TNFSF15: variants seen among roughly 807,000 people sequenced by gnomAD.
The protein encoded by TNFSF15 is tumor necrosis factor ligand superfamily member 15.
TNFSF15 carries 15 observed loss-of-function variants against 26.4 expected under a neutral mutation model. That is an observed-to-expected ratio of 0.57 (90% confidence interval 0.38 to 0.87). TNFSF15 has a LOEUF of 0.87. Among genes scored for constraint, TNFSF15 ranks in the 40% least tolerant of loss-of-function variants. TNFSF15 has a pLI of 0.00. For synonymous variants in TNFSF15, 116 were observed against 115.0 expected (o/e 1.01, Z -0.06); for missense variants, 290 against 306.1 (o/e 0.95, Z 0.39).
rs370931148 is a variant in TNFSF15 at position 114,790,816 on chromosome 9, C to T, written c.392G>A (p.Arg131Gln). The change falls in exon 4 of 4, where the codon CGA (arginine) becomes CAA (glutamine). Residue 131 changes from arginine to glutamine, a missense_variant. Physicochemically the swap from Arg to Gln is conservative, Grantham distance 43 (BLOSUM62 1). Around this residue, in one of 3 missense-constraint regions of TNFSF15, gnomAD observed 179 missense variants for 165.9 expected, o/e 1.08. Transcript: ENST00000374045. ...HELGLAFTKN[R>Q]MNYTNKFLLI... ...CAGGAATTTGTTGGTATAGTTCATT[C>T]GGTTCTTGGTGAAGGCCAGGCCTAG... 1.2e-5 allele frequency: 20 copies of T among 1,613,928 alleles called. No homozygotes were observed. Among genetic ancestry groups the T allele is most frequent in the African/African-American group, 9.3e-5 (7 of 74,882 alleles).
In TNFSF15 at chr9:114,788,717, G is replaced by A. The variant is rs1372740425; in HGVS notation, c.*1735C>T. 2.0e-5 allele frequency: 3 copies of A among 152,172 alleles called. No homozygotes were observed. The highest frequency in any genetic ancestry group is 4.4e-5 in the Non-Finnish European group (3 of 68,036). The allele number at this position is 152,172 out of a possible 1,614,324, so 9.4% of individuals were successfully genotyped here. ...CAGTCATATAATACCGAAATGCTCA[G>A]ATGGCACAGAATGCATGAAGTTAAC... On this transcript the variant is annotated 3_prime_UTR_variant, in exon 4 of 4. Transcript: ENST00000374045.
Position 114,805,801 on chromosome 9 carries a change from A to C in TNFSF15, c.210+2T>G. The stretch of plus-strand genomic sequence containing the variant: ...CCAAGGTCAGAGTGCCATGTGGCTT[A>C]CCTGGAACTGCACACAGGCCTCTCC... On this transcript the variant is annotated splice_donor_variant, in intron 1 of 3. Transcript: ENST00000374045. LOFTEE classifies it high-confidence loss of function. The C allele has an allele frequency of 6.2e-7, 1 of 1,612,766 alleles. No homozygotes were observed. Among genetic ancestry groups the C allele is most frequent in the Non-Finnish European group, 8.5e-7 (1 of 1,179,928 alleles).
chr9:114,804,360 T>C (rs553656340), intron 1 of TNFSF15, among the ~76,000 whole-genome samples: 6 of 152,274 alleles, frequency 3.9e-5, no homozygotes, highest in African/African-American at 9.6e-5. Flanking sequence ...GGATCCTCCC[T>C]GGTCTGTAAC....
intron 1 of TNFSF15, among the ~76,000 whole-genome samples, chr9:114,801,633 T>G (rs977300985): frequency 6.6e-6 from 1 of 152,164 alleles, no homozygotes; most frequent in Admixed American, 6.5e-5. Context: ...ACTTTATTTC[T>G]AATTATTCCC....
intron 1 of TNFSF15, among the ~76,000 whole-genome samples, chr9:114,805,476 C>T (rs565303649): frequency 2.0e-5 from 3 of 151,934 alleles, no homozygotes; most frequent in East Asian, 3.9e-4. Flanking sequence ...TTTCAATGAC[C>T]GTGTTAGTTA....
In TNFSF15 at chr9:114,786,694, C is replaced by G. The variant is rs896666044; in HGVS notation, c.*3758G>C. ...TTGGAAGGCTGAGGCGGGCGGATCACGAGGTCAGGAGATCGAGACCATCCT... is the reference window on the plus strand; with the variant it reads ...TTGGAAGGCTGAGGCGGGCGGATCAGGAGGTCAGGAGATCGAGACCATCCT... On this transcript the variant is annotated 3_prime_UTR_variant, in exon 4 of 4. Coordinates refer to ENST00000374045, the MANE Select transcript of TNFSF15 (RefSeq NM_005118.4). 1 of 151,974 alleles carries G rather than the reference C, an allele frequency of 6.6e-6. No homozygotes were observed. The highest frequency in any genetic ancestry group is 1.5e-5 in the Non-Finnish European group (1 of 67,984). 9.4% of individuals were successfully genotyped at this position (151,974 alleles called of 1,614,324 possible).
intron 1 of TNFSF15, among the ~76,000 whole-genome samples, chr9:114,798,134 G>A (rs952869762): frequency 6.6e-6 from 1 of 152,226 alleles, no homozygotes; most frequent in Admixed American, 6.5e-5. Flanking sequence ...GTCTTCATCA[G>A]GCTCTGTGTG....
intron 1 of TNFSF15, among the ~76,000 whole-genome samples, chr9:114,804,460 C>G (rs1829790330): frequency 6.6e-6 from 1 of 152,192 alleles, no homozygotes; most frequent in South Asian, 2.1e-4. Flanking sequence ...TCGTGGGAAC[C>G]TGTCATGCCT....
At chr9:114,794,710 C>A (rs999138443) in intron 1 of TNFSF15, among the ~76,000 whole-genome samples, 2 of 152,140 alleles carry the variant, frequency 1.3e-5, no homozygotes, top group African/African-American at 4.8e-5. Context: ...AAAATGAAAT[C>A]ACGTTATTTG....
chr9:114,805,477 G>A (rs146848333), intron 1 of TNFSF15, among the ~76,000 whole-genome samples: 2 of 152,140 alleles, frequency 1.3e-5, no homozygotes, highest in East Asian at 1.9e-4. Flanking sequence ...TTCAATGACC[G>A]TGTTAGTTAT....
rs964014362 is a variant in TNFSF15, at chr9:114,785,269, T to C, written c.*5183A>G. 1.3e-5 allele frequency: 2 copies of C among 152,248 alleles called. No individual in the cohort carries two copies. The highest frequency in any genetic ancestry group is 1.5e-5 in the Non-Finnish European group (1 of 68,042). The allele number at this position is 152,248 out of a possible 1,614,324, so 9.4% of individuals were successfully genotyped here. ...TGGCTCCCTCTGAGCCTGGGTTTCTTCATCTTTGAAATGATATAACTTGGA... is the reference window on the plus strand; with the variant it reads ...TGGCTCCCTCTGAGCCTGGGTTTCTCCATCTTTGAAATGATATAACTTGGA... On this transcript the variant is annotated 3_prime_UTR_variant, in exon 4 of 4. Transcript: ENST00000374045.
Position 114,787,554 on chromosome 9 carries a change from A to G in TNFSF15, c.*2898T>C, listed in dbSNP as rs1436970280. On this transcript the variant is annotated 3_prime_UTR_variant, in exon 4 of 4. Coordinates refer to ENST00000374045, the MANE Select transcript of TNFSF15 (RefSeq NM_005118.4). ...AACAAAGCATTTTCTCCCTAAATTT[A>G]CTGTTTTCTAAAGCATGCTTCTTCC... 6.6e-6 allele frequency: 1 copy of G among 152,328 alleles called. No homozygotes were observed. Among genetic ancestry groups the G allele is most frequent in the African/African-American group, 2.4e-5 (1 of 41,452 alleles). The allele number at this position is 152,328 out of a possible 1,614,324, so 9.4% of individuals were successfully genotyped here.
rs1027839489 is a variant in TNFSF15 at position 114,793,840 on chromosome 9, G to T, written c.211-272C>A. Among the ~76,000 whole-genome samples the T allele has an allele frequency of 4.6e-5, 7 of 152,154 alleles. 1 individual carries two copies. Among genetic ancestry groups the T allele is most frequent in the Admixed American group, 3.3e-4 (5 of 15,274 alleles). Reference sequence around the variant, plus strand: ...GGTTCTTTTCTTGAGAGATTTTCTCGTTCTATTCTAGGGGAACTCAGCATC... The same window carrying T: ...GGTTCTTTTCTTGAGAGATTTTCTCTTTCTATTCTAGGGGAACTCAGCATC... On this transcript the variant is annotated intron_variant, in intron 1 of 3. Transcript: ENST00000374045.
intron 3 of TNFSF15, chr9:114,791,542 C>T (rs1829598141): frequency 5.9e-6 from 1 of 169,596 alleles, no homozygotes; most frequent in African/African-American, 2.4e-5. Context: ...CAAGGATATC[C>T]CCCTGCAGAC....
At position 114,791,272 on chromosome 9, in the gene TNFSF15, G is replaced by A. The variant is rs1587897923; in HGVS notation, c.302-366C>T. The stretch of plus-strand genomic sequence containing the variant: ...CTGCAAGAATTATCCTTTCCCAAAT[G>A]ACTCAGATAAAACTCATCGATGCCT... On this transcript the variant is annotated intron_variant, in intron 3 of 3. Transcript: ENST00000374045. 1.0e-5 allele frequency: 4 copies of A among 382,862 alleles called. No homozygotes were observed. The East Asian group carries it at 1.9e-4, about 18-fold the overall frequency. 23.7% of individuals were successfully genotyped at this position (382,862 alleles called of 1,614,324 possible).
In TNFSF15 at chr9:114,790,401, A is replaced by C; in HGVS notation, c.*51T>G. The C allele has an allele frequency of 6.7e-7, 1 of 1,501,872 alleles. No homozygotes were observed. Among genetic ancestry groups the C allele is most frequent in the South Asian group, 1.4e-5 (1 of 74,016 alleles). 93.0% of individuals were successfully genotyped at this position (1,501,872 alleles called of 1,614,324 possible). ...TTATAATTACATTTGAACAAAGAAAATTAGGAACTCGGTGGCAGAGGACTT... is the reference window on the plus strand; with the variant it reads ...TTATAATTACATTTGAACAAAGAAACTTAGGAACTCGGTGGCAGAGGACTT... On this transcript the variant is annotated 3_prime_UTR_variant, in exon 4 of 4. Transcript: ENST00000374045.
intron 1 of TNFSF15, among the ~76,000 whole-genome samples, chr9:114,799,241 T>A (rs1188504409): frequency 6.6e-6 from 1 of 152,232 alleles, no homozygotes; most frequent in African/African-American, 2.4e-5. Flanking sequence ...TCACTTGACC[T>A]CAATGGAACT....
chr9:114,791,824 G>A (rs551990440), intron 3 of TNFSF15: 2 of 168,284 alleles, frequency 1.2e-5, no homozygotes, highest in Admixed American at 6.5e-5. Flanking sequence ...ACACCTCCCT[G>A]AAGGTAAATG....
intron 1 of TNFSF15, among the ~76,000 whole-genome samples, chr9:114,802,242 T>C (rs1435519899): frequency 6.6e-6 from 1 of 152,082 alleles, no homozygotes; most frequent in African/African-American, 2.4e-5. Flanking sequence ...GAGAAGACTT[T>C]GGTTTTTTTT....
Sources: gnomAD v4.1 joint callset for allele counts (sites outside exome capture counted in the v4.1 genomes callset) on GRCh38, gnomAD v4.1.1 for gene constraint, gnomAD v4.1.1 regional missense constraint, MANE v1.5 for transcripts, NCBI Gene and HGNC (gene_info 2026-07-23, HGNC 2026-07-21) for gene names.